Variants in RFC3 observed in about 807,000 individuals in gnomAD.
RFC3 encodes A1 38 kDa subunit.
In RFC3, 41 loss-of-function variants were observed where a neutral mutation model predicts 45.1. The ratio of observed to expected loss-of-function variants is 0.91; its 90% CI spans 0.71 to 1.18. The LOEUF (loss-of-function observed/expected upper bound fraction) is 1.18. RFC3 is among the 50% of genes most tolerant of loss of function. The pLI is 0.00. For missense variants in RFC3, 423 were observed against 428.1 expected, an observed-to-expected ratio of 0.99 and a Z score of 0.10; for synonymous variants, 149 against 144.0, an observed-to-expected ratio of 1.03 and a Z score of -0.25.
At chr13:33,955,471 G>T (rs762417512) in intron 8 of RFC3, among the ~76,000 whole-genome samples, 1 of 152,052 alleles carries the variant, frequency 6.6e-6, no homozygotes, top group Non-Finnish European at 1.5e-5. Flanking sequence ...ATAAACAGGC[G>T]CTTACCTGAA....
intron 8 of RFC3, among the ~76,000 whole-genome samples, chr13:33,861,221 T>G (rs944885648): frequency 1.3e-5 from 2 of 152,248 alleles, no homozygotes; most frequent in Admixed American, 1.3e-4. Context: ...ATTTCAAGAT[T>G]TCTTAGAGCA....
At chr13:33,856,048 C>G (rs1437493531) in intron 8 of RFC3, among the ~76,000 whole-genome samples, 3 of 152,180 alleles carry the variant, frequency 2.0e-5, no homozygotes, top group Non-Finnish European at 2.9e-5. Flanking sequence ...TTGCCCATTC[C>G]TATGTCCAGA....
intron 8 of RFC3, among the ~76,000 whole-genome samples, chr13:33,938,887 A>G (rs2082905904): frequency 6.6e-6 from 1 of 152,194 alleles, no homozygotes; most frequent in African/African-American, 2.4e-5. Flanking sequence ...TGGCAGTGTA[A>G]TAAGCTCTTC....
chr13:33,884,956 G>A (rs961496839), intron 8 of RFC3, among the ~76,000 whole-genome samples: 1 of 152,182 alleles, frequency 6.6e-6, no homozygotes, highest in Admixed American at 6.5e-5. Context: ...GTCATTTCCT[G>A]AACTCCTCGA....
At chr13:33,953,324 T>TA (rs11342304) in intron 8 of RFC3, among the ~76,000 whole-genome samples, 1,680 of 105,478 alleles carry the variant, frequency 0.016, 27 homozygotes, top group African/African-American at 0.052. Context: ...TGTTGCTCTT[T>TA]AAAAAAAAAA....
At chr13:33,839,128 C>T (rs1352897093), downstream of RFC3, among the ~76,000 whole-genome samples, 4 of 152,156 alleles carry the variant, frequency 2.6e-5, no homozygotes, top group East Asian at 5.8e-4. Context: ...AGGTTGCAAC[C>T]AGTCCTCAGT....
chr13:33,937,979 T>C (rs2082898025), intron 8 of RFC3, among the ~76,000 whole-genome samples: 1 of 152,134 alleles, frequency 6.6e-6, no homozygotes, highest in Admixed American at 6.6e-5. Flanking sequence ...CCCATTGTGC[T>C]TGCTTATCCA....
At chr13:33,825,340 C>A (rs895731195) in intron 3 of RFC3, among the ~76,000 whole-genome samples, 1 of 152,062 alleles carries the variant, frequency 6.6e-6, no homozygotes, top group South Asian at 2.1e-4. Flanking sequence ...GCAGACTTCT[C>A]TTTGTTTGTT....
chr13:33,818,677 A>G (rs1449384370), intron 1 of RFC3, among the ~76,000 whole-genome samples: 1 of 152,174 alleles, frequency 6.6e-6, no homozygotes, highest in Non-Finnish European at 1.5e-5. Context: ...ATGGAGTTGG[A>G]GTGCAGACCC....
chr13:33,826,716 T>G (rs895399049), intron 4 of RFC3, among the ~76,000 whole-genome samples: 1 of 152,184 alleles, frequency 6.6e-6, no homozygotes, highest in Non-Finnish European at 1.5e-5. Context: ...TTAAATTCTC[T>G]TACTGTTTTT....
chr13:33,830,187 G>A (rs1003927449), intron 5 of RFC3, among the ~76,000 whole-genome samples, 170 bp downstream of exon 5: 9 of 152,190 alleles, frequency 5.9e-5, no homozygotes, highest in African/African-American at 2.2e-4. Flanking sequence ...AATACCAGAT[G>A]CCAATATATA....
intron 8 of RFC3, among the ~76,000 whole-genome samples, chr13:33,937,288 C>T (rs1297872993): frequency 6.6e-6 from 1 of 152,040 alleles, no homozygotes; most frequent in Non-Finnish European, 1.5e-5. Context: ...AGCCTAGGAG[C>T]AAAAGGTTAG....
intron 8 of RFC3, among the ~76,000 whole-genome samples, chr13:33,931,062 G>A (rs901497431): frequency 3.9e-5 from 6 of 151,942 alleles, no homozygotes. Flanking sequence ...ATGATATGTA[G>A]GACTTAGATG....
intron 8 of RFC3, among the ~76,000 whole-genome samples, chr13:33,880,388 A>G (rs982223391): frequency 5.9e-5 from 9 of 152,170 alleles, no homozygotes; most frequent in African/African-American, 2.2e-4. Flanking sequence ...AGGTGACACT[A>G]TGGTGTGAGG....
chr13:33,824,296 G>A (rs367734993), intron 3 of RFC3, among the ~76,000 whole-genome samples: 5 of 152,226 alleles, frequency 3.3e-5, no homozygotes, highest in African/African-American at 1.2e-4. Flanking sequence ...TTACTGATGA[G>A]CAGTGTGTCT....
chr13:33,860,467 C>G lies in RFC3; in HGVS notation c.879+25250C>G, dbSNP rs184082005. Among the ~76,000 whole-genome samples, 14 of 152,228 alleles carry G rather than the reference C, an allele frequency of 9.2e-5. 1 individual carries two copies. In the East Asian group the frequency reaches 2.7e-3, roughly 29 times the overall value. On this transcript the variant is annotated intron_variant, in intron 8 of 8. Transcript: ENST00000434425. Reference sequence around the variant, plus strand: ...TGACTGTATTGCTCCTTACTTGTCCCCTCTGCAGAGGAGGCATTCCCAGTT... The same window carrying G: ...TGACTGTATTGCTCCTTACTTGTCCGCTCTGCAGAGGAGGCATTCCCAGTT...
intron 8 of RFC3, among the ~76,000 whole-genome samples, chr13:33,953,889 T>C (rs2083005273): frequency 3.3e-5 from 5 of 152,318 alleles, no homozygotes; most frequent in East Asian, 1.9e-4. Context: ...TTAGGTAACA[T>C]ATACAGTGTT....
intron 8 of RFC3, among the ~76,000 whole-genome samples, chr13:33,835,862 C>G (rs192361143): frequency 1.3e-5 from 2 of 152,118 alleles, no homozygotes; most frequent in African/African-American, 2.4e-5. Flanking sequence ...TATCCTTGCA[C>G]TTTGTGCAGT....
intron 8 of RFC3, among the ~76,000 whole-genome samples, chr13:33,944,447 C>T (rs937458309): frequency 1.2e-4 from 19 of 152,240 alleles, no homozygotes; most frequent in East Asian, 5.8e-4. Context: ...AGAGCATCTA[C>T]TTTTAGGTGA....
Sources: gnomAD v4.1 joint callset for allele counts (sites outside exome capture counted in the v4.1 genomes callset) on GRCh38, gnomAD v4.1.1 for gene constraint, MANE v1.5 for transcripts, NCBI Gene and HGNC (gene_info 2026-07-23, HGNC 2026-07-21) for gene names.